Variants in ULK4 observed in about 807,000 individuals in gnomAD.
ULK4 encodes inactive serine/threonine-protein kinase ULK4.
In ULK4, 133 loss-of-function variants were observed where a neutral mutation model predicts 160.6. The ratio of observed to expected loss-of-function variants is 0.83; its 90% CI spans 0.72 to 0.96. ULK4 has a LOEUF of 0.96. Ranked by LOEUF, ULK4 falls within the 40% of genes least tolerant of loss-of-function variation. ULK4 has a pLI of 0.00. For missense variants in ULK4, 1,580 were observed against 1,499.5 expected, an observed-to-expected ratio of 1.05 and a Z score of -0.89; for synonymous variants, 534 against 539.8, an observed-to-expected ratio of 0.99 and a Z score of 0.15.
chr3:41,296,203 G>A (rs766782074), intron 35 of ULK4, among the ~76,000 whole-genome samples: 5 of 152,210 alleles, frequency 3.3e-5, no homozygotes, highest in Non-Finnish European at 7.3e-5. Flanking sequence ...CAGTGCATGT[G>A]TGGAGGCAGA....
At chr3:41,326,469 T>TAC (rs962182391) in intron 35 of ULK4, among the ~76,000 whole-genome samples, 71 of 150,902 alleles carry the variant, frequency 4.7e-4, no homozygotes, top group African/African-American at 1.7e-3. Flanking sequence ...TATATATATA[T>TAC]ACATACAAGA....
chr3:41,905,247 C>T (rs1436202729), intron 12 of ULK4, among the ~76,000 whole-genome samples: 2 of 152,156 alleles, frequency 1.3e-5, no homozygotes, highest in Admixed American at 1.3e-4. Context: ...AGCTTTTCAA[C>T]AGATAGCGCT....
At chr3:41,314,017 C>G (rs2080101787) in intron 35 of ULK4, among the ~76,000 whole-genome samples, 1 of 152,166 alleles carries the variant, frequency 6.6e-6, no homozygotes, top group Non-Finnish European at 1.5e-5. Flanking sequence ...CTTGGGCAAG[C>G]AAGCGTCGAC....
intron 32 of ULK4, among the ~76,000 whole-genome samples, chr3:41,509,142 T>C (rs959613997): frequency 1.3e-5 from 2 of 152,004 alleles, no homozygotes; most frequent in Non-Finnish European, 2.9e-5. Flanking sequence ...TCGCAACTTC[T>C]GGAAATGAAG....
chr3:41,703,637 A>G (rs2036758532), intron 27 of ULK4, among the ~76,000 whole-genome samples: 1 of 152,148 alleles, frequency 6.6e-6, no homozygotes, highest in African/African-American at 2.4e-5. Context: ...AAAGAAAGGA[A>G]ATAAAAATAA....
chr3:41,416,702 G>T (rs1451212260), intron 34 of ULK4, among the ~76,000 whole-genome samples: 1 of 152,120 alleles, frequency 6.6e-6, no homozygotes, highest in Non-Finnish European at 1.5e-5. Flanking sequence ...AAGGCAGTAG[G>T]GATGCCTGTG....
intron 34 of ULK4, among the ~76,000 whole-genome samples, chr3:41,437,304 G>A (rs1330764700): frequency 6.6e-6 from 1 of 152,164 alleles, no homozygotes; most frequent in Non-Finnish European, 1.5e-5. Context: ...GAAGCTTGGA[G>A]TTTATCTATC....
intron 32 of ULK4, among the ~76,000 whole-genome samples, chr3:41,478,376 G>T (rs938342111): frequency 1.3e-5 from 2 of 152,156 alleles, no homozygotes; most frequent in Non-Finnish European, 2.9e-5. Flanking sequence ...TCTGTATTCA[G>T]TACATTCATT....
At chr3:41,396,055 T>C (rs1348384616) in intron 35 of ULK4, among the ~76,000 whole-genome samples, 2 of 152,158 alleles carry the variant, frequency 1.3e-5, no homozygotes, top group East Asian at 1.9e-4. Flanking sequence ...GTAAATAACA[T>C]AACTTATTTC....
chr3:41,665,693 T>C lies in ULK4; in HGVS notation c.2979-1994A>G, dbSNP rs60770832. On this transcript the variant is annotated intron_variant, in intron 29 of 36. Transcript: ENST00000301831. Reference sequence around the variant, plus strand: ...TTTTATCATATAAATAAAACAAATATCAAGCAAAAATCTTTAGGGATAATA... The same window carrying C: ...TTTTATCATATAAATAAAACAAATACCAAGCAAAAATCTTTAGGGATAATA... Among the ~76,000 whole-genome samples, 816 of 152,188 alleles carry C rather than the reference T, an allele frequency of 5.4e-3. 24 individuals are homozygous for C. The East Asian group carries it at 0.086, about 16-fold the overall frequency.
chr3:41,854,419 G>A (rs2042286829), intron 17 of ULK4, among the ~76,000 whole-genome samples: 1 of 152,254 alleles, frequency 6.6e-6, no homozygotes, highest in East Asian at 1.9e-4. Flanking sequence ...GAAATCATGA[G>A]ATCTGGGATT....
intron 19 of ULK4, among the ~76,000 whole-genome samples, chr3:41,803,479 CTTTTT>C (rs1011076110): frequency 6.6e-6 from 1 of 151,946 alleles, no homozygotes; most frequent in Non-Finnish European, 1.5e-5. Context: ...GCAAAGCTTT[CTTTTT>C]TATTATTATT....
At chr3:41,364,873 C>T (rs748909290) in intron 35 of ULK4, among the ~76,000 whole-genome samples, 6 of 152,098 alleles carry the variant, frequency 3.9e-5, no homozygotes, top group Non-Finnish European at 7.4e-5. Context: ...GTTCAGGAGC[C>T]TTCTCCAGAG....
intron 2 of ULK4, among the ~76,000 whole-genome samples, chr3:41,950,525 G>A (rs1335875789): frequency 6.6e-6 from 1 of 151,950 alleles, no homozygotes; most frequent in African/African-American, 2.4e-5. Flanking sequence ...TTACAGACAT[G>A]AGCCACCGCG....
chr3:41,940,505 A>T (rs1035373904), intron 2 of ULK4, among the ~76,000 whole-genome samples: 3 of 152,030 alleles, frequency 2.0e-5, no homozygotes, highest in Middle Eastern at 3.4e-3. Context: ...AAAAAAAAAA[A>T]TTTTTAATTA....
At chr3:41,867,394 T>TG (rs965296087) in intron 17 of ULK4, among the ~76,000 whole-genome samples, 9 of 152,024 alleles carry the variant, frequency 5.9e-5, no homozygotes, top group African/African-American at 9.7e-5. Flanking sequence ...TTTGTTGTTT[T>TG]GGGGGGGCAA....
intron 17 of ULK4, chr3:41,882,275 TGTA>T (rs1201723728): frequency 1.4e-6 from 1 of 702,900 alleles, no homozygotes; most frequent in African/African-American, 1.7e-5. Context: ...CAATGGAGCT[TGTA>T]GTCTAGTGTG....
chr3:41,649,085 G>A (rs1296413892), intron 30 of ULK4, among the ~76,000 whole-genome samples: 3 of 151,362 alleles, frequency 2.0e-5, no homozygotes, highest in South Asian at 2.1e-4. Context: ...CCGAGATTAC[G>A]CCACTGCACT....
intron 27 of ULK4, among the ~76,000 whole-genome samples, chr3:41,690,690 G>A (rs996016597): frequency 4.6e-5 from 7 of 151,580 alleles, no homozygotes; most frequent in Non-Finnish European, 8.8e-5. Flanking sequence ...AGGGTTCTAC[G>A]CCACTCCCCA....
Sources: allele counts gnomAD v4.1 joint callset (sites outside exome capture counted in the v4.1 genomes callset), GRCh38; gene constraint gnomAD v4.1.1; transcripts MANE v1.5; gene names NCBI Gene and HGNC (gene_info 2026-07-23, HGNC 2026-07-21).